DNAH7: variants seen among roughly 807,000 people sequenced by gnomAD.
The protein encoded by DNAH7 is axonemal beta dynein heavy chain 7.
DNAH7 carries 397 observed loss-of-function variants against 444.6 expected under a neutral mutation model. The observed-to-expected ratio is 0.89, with a 90% confidence interval of 0.82 to 0.97. The LOEUF is 0.97. DNAH7 is among the 50% of genes least tolerant of loss of function. The pLI, the probability that DNAH7 is intolerant of heterozygous loss-of-function variation, is 0.00. For missense variants in DNAH7, 4,902 were observed against 4,800.8 expected (o/e 1.02, Z -0.62); for synonymous variants, 1,636 against 1,624.4 (o/e 1.01, Z -0.17).
chr2:196,063,033 C>T (rs1004609547), intron 1 of DNAH7, among the ~76,000 whole-genome samples: 1 of 152,130 alleles, frequency 6.6e-6, no homozygotes, highest in Non-Finnish European at 1.5e-5. Context: ...CAGGCGTGTG[C>T]CACCACACTG....
chr2:196,065,621 G>A (rs7599236), intron 1 of DNAH7, among the ~76,000 whole-genome samples: 72,942 of 152,056 alleles, frequency 0.48, 20,220 homozygotes, highest in South Asian at 0.63. Context: ...GAGCAGGAGG[G>A]CAGAAAGTTT....
At position 195,906,671 on chromosome 2, in the gene DNAH7, T is replaced by C. The variant is rs757033090; in HGVS notation, c.4323A>G (p.Pro1441=). 3 of 1,612,562 alleles carry C rather than the reference T, an allele frequency of 1.9e-6. No homozygotes were observed. In the South Asian group the frequency reaches 3.3e-5, roughly 18 times the overall value. The change falls in exon 27 of 65, where the codon CCA becomes CCG. Residue 1441 remains proline (P), a synonymous_variant. Transcript: ENST00000312428. ...ACTCCTTCCATACCTTCAGGTTATCTGGCAGTTCTGATCGCCCAGCATACC... is the reference window on the plus strand; with the variant it reads ...ACTCCTTCCATACCTTCAGGTTATCCGGCAGTTCTGATCGCCCAGCATACC... The part of the protein sequence containing the change: ...NPGYAGRSEL[P]DNLKALFRTV...
intron 61 of DNAH7, among the ~76,000 whole-genome samples, chr2:195,759,469 C>T (rs72913272): frequency 0.023 from 3,528 of 152,212 alleles, 62 homozygotes; most frequent in South Asian, 0.035. Flanking sequence ...TGCACGTTTC[C>T]ACCTTGGTGG....
intron 10 of DNAH7, among the ~76,000 whole-genome samples, chr2:196,006,583 C>T (rs939208112): frequency 5.3e-5 from 8 of 150,344 alleles, no homozygotes; most frequent in African/African-American, 2.0e-4. Flanking sequence ...AAAACATATC[C>T]AGATAGGAAA....
At chr2:195,804,379 T>G (rs1696613239) in intron 54 of DNAH7, among the ~76,000 whole-genome samples, 1 of 152,206 alleles carries the variant, frequency 6.6e-6, no homozygotes, top group African/African-American at 2.4e-5. Flanking sequence ...TTAAAGGGTT[T>G]GAAGCTACTG....
chr2:195,809,893 A>C, intron 51 of DNAH7, 22 bp from the exon 52 acceptor site: 1 of 1,484,246 alleles, frequency 6.7e-7, no homozygotes, highest in Non-Finnish European at 9.0e-7. Flanking sequence ...CAGAAAATAA[A>C]GGAAATAAAT....
chr2:196,047,976 A>G lies in DNAH7; in HGVS notation c.250+320T>C, dbSNP rs1697240590. The stretch of plus-strand genomic sequence containing the variant: ...TTAAAACCCACAAAAAATTTTAAAA[A>G]GAAATATAATTTATTAAAATCTCTC... On this transcript the variant is annotated intron_variant, in intron 4 of 64. Transcript: ENST00000312428. 1.3e-5 allele frequency among the ~76,000 whole-genome samples: 2 copies of G among 152,144 alleles called. 1 individual carries two copies. Among genetic ancestry groups the G allele is most frequent in the African/African-American group, 4.8e-5 (2 of 41,462 alleles).
Position 195,960,869 on chromosome 2 carries a change from T to G in DNAH7, c.2282A>C (p.Asp761Ala). ...AAGACGAAGATAAGGGTTCAAGCCA[T>G]CTTGGATTTTTTTACGTTGAGGATA... ...SVYPQRKKIQ[D>A]GLNPYLRLYE... is the part of the protein sequence containing the mutation. Residue 761 changes from aspartate to alanine, a missense_variant, in exon 18 of 65, where the codon GAT (aspartate) becomes GCT (alanine). Asp to Ala is a moderately radical substitution (Grantham distance 126). Coordinates refer to ENST00000312428, the MANE Select transcript of DNAH7 (RefSeq NM_018897.3). 1 of 1,614,000 alleles carries G rather than the reference T, an allele frequency of 6.2e-7. No homozygotes were observed. The highest frequency in any genetic ancestry group is 8.5e-7 in the Non-Finnish European group (1 of 1,179,972).
At chr2:195,864,059 A>C in intron 41 of DNAH7, 90 bp downstream of exon 41, 1 of 1,315,434 alleles carries the variant, frequency 7.6e-7, no homozygotes, top group Non-Finnish European at 1.0e-6. Flanking sequence ...TTTTGGGGTA[A>C]ACTACAGGTT....
chr2:195,993,393 T>A (rs1471233672), intron 12 of DNAH7, among the ~76,000 whole-genome samples: 1 of 152,136 alleles, frequency 6.6e-6, no homozygotes, highest in Non-Finnish European at 1.5e-5. Context: ...TGGTGATGAA[T>A]GTCACAGGAA....
Position 195,988,160 on chromosome 2 carries a change from T to C in DNAH7, c.1423A>G (p.Lys475Glu). The part of the protein sequence containing the change: ...LNEIVDAHKE[K>E]IKEVIMKESV... ...TCTTTCATAATAACTTCCTTGATCT[T>C]TTCTTTGTGAGCATCTACAATTTCA... The change falls in exon 13 of 65, where the codon AAG becomes GAG. Residue 475 changes from lysine (K) to glutamate (E), a missense_variant. Transcript: ENST00000312428. 6.2e-7 allele frequency: 1 copy of C among 1,613,606 alleles called. No individual in the cohort carries two copies. The highest frequency in any genetic ancestry group is 8.5e-7 in the Non-Finnish European group (1 of 1,179,722).
chr2:195,888,082 C>T (rs1294728520), intron 33 of DNAH7, among the ~76,000 whole-genome samples, 176 bp downstream of exon 33: 3 of 151,986 alleles, frequency 2.0e-5, no homozygotes, highest in Non-Finnish European at 2.9e-5. Flanking sequence ...CAATATACCT[C>T]ATTTGAAATA....
At chr2:195,740,348 G>T (rs1692924451) in intron 64 of DNAH7, among the ~76,000 whole-genome samples, 1 of 152,128 alleles carries the variant, frequency 6.6e-6, no homozygotes, top group Non-Finnish European at 1.5e-5. Flanking sequence ...CCTCAACGAA[G>T]CTCATAGCAT....
chr2:195,927,749 A>G (rs1451650607), intron 21 of DNAH7, among the ~76,000 whole-genome samples: 1 of 151,478 alleles, frequency 6.6e-6, no homozygotes, highest in Non-Finnish European at 1.5e-5. Flanking sequence ...ACCATATTAT[A>G]TATGATATAT....
chr2:196,043,751 A>G (rs1696921209), intron 5 of DNAH7, among the ~76,000 whole-genome samples: 1 of 152,124 alleles, frequency 6.6e-6, no homozygotes, highest in Non-Finnish European at 1.5e-5. Context: ...AAGGACATGA[A>G]TAGACAATTT....
chr2:195,959,914 GT>G (rs1690963527), intron 18 of DNAH7, among the ~76,000 whole-genome samples: 1 of 152,118 alleles, frequency 6.6e-6, no homozygotes, highest in South Asian at 2.1e-4. Flanking sequence ...ATTTTTGAGA[GT>G]TAAAAAATAA....
intron 48 of DNAH7, among the ~76,000 whole-genome samples, chr2:195,831,215 AT>A (rs1698052206): frequency 6.6e-6 from 1 of 152,232 alleles, no homozygotes; most frequent in Non-Finnish European, 1.5e-5. Flanking sequence ...ATCCATTGGC[AT>A]AGCTAATACA....
At chr2:195,747,756 G>T (rs1292726149) in intron 63 of DNAH7, among the ~76,000 whole-genome samples, 1 of 152,128 alleles carries the variant, frequency 6.6e-6, no homozygotes, top group Non-Finnish European at 1.5e-5. Flanking sequence ...CTCAATAGAT[G>T]CAGAAAAGGC....
intron 48 of DNAH7, among the ~76,000 whole-genome samples, chr2:195,826,150 A>C (rs1024101923): frequency 4.6e-5 from 7 of 152,220 alleles, no homozygotes; most frequent in Admixed American, 3.9e-4. Flanking sequence ...CTAATTACTT[A>C]ATCAGGCTGG....
Sources: allele counts gnomAD v4.1 joint callset (sites outside exome capture counted in the v4.1 genomes callset), GRCh38; gene constraint gnomAD v4.1.1; transcripts MANE v1.5; gene names NCBI Gene and HGNC (gene_info 2026-07-23, HGNC 2026-07-21).